Variants in GBP6 observed in about 807,000 individuals in gnomAD.
GBP6 encodes the protein guanylate binding protein family member 6.
GBP6 carries 54 observed loss-of-function variants against 61.5 expected under a neutral mutation model. The ratio of observed to expected loss-of-function variants is 0.88; its 90% CI spans 0.71 to 1.10. GBP6 has a LOEUF of 1.10. GBP6 is among the 50% of genes least tolerant of loss of function. GBP6 has a pLI of 0.00. For missense variants in GBP6, 748 were observed against 752.8 expected, an observed-to-expected ratio of 0.99 and a Z score of 0.07; for synonymous variants, 255 against 273.7, an observed-to-expected ratio of 0.93 and a Z score of 0.67.
intron 1 of GBP6, among the ~76,000 whole-genome samples, chr1:89,367,373 T>C (rs974256881): frequency 6.6e-6 from 1 of 152,194 alleles, no homozygotes; most frequent in Non-Finnish European, 1.5e-5. Context: ...AATGGGTGGG[T>C]CTAACATGTA....
In GBP6 at chr1:89,387,838, C is replaced by G. The variant is rs993705861; in HGVS notation, c.*2369C>G. Among the ~76,000 whole-genome samples the G allele has an allele frequency of 2.6e-5, 4 of 152,192 alleles. No individual in the cohort carries two copies. Among genetic ancestry groups the G allele is most frequent in the African/African-American group, 9.7e-5 (4 of 41,440 alleles). On this transcript the variant is annotated 3_prime_UTR_variant, in exon 11 of 11. Coordinates refer to ENST00000370456, the MANE Select transcript of GBP6 (RefSeq NM_198460.3). ...ATGCCAGCTACACAGGAGGATGAGG[C>G]AGGAAAATCACTTGAACCTGGGAGG...
At chr1:89,369,452 G>T in intron 2 of GBP6, 94 bp from the exon 3 acceptor site, 2 of 1,406,312 alleles carry the variant, frequency 1.4e-6, no homozygotes, top group South Asian at 1.5e-5. Context: ...ATGTATGTTG[G>T]GGTAGTTACA....
chr1:89,368,365 C>G (rs1473826802), intron 1 of GBP6, among the ~76,000 whole-genome samples, 164 bp from the exon 2 acceptor site: 2 of 152,148 alleles, frequency 1.3e-5, no homozygotes, highest in Non-Finnish European at 2.9e-5. Context: ...CACTTAATAT[C>G]ATTACAGACT....
At position 89,385,325 on chromosome 1, in the gene GBP6, A is replaced by G. The variant is rs1274017949; in HGVS notation, c.1758A>G (p.Lys586=). Residue 586 remains lysine, a synonymous_variant, in exon 11 of 11, where the codon AAA becomes AAG. Coordinates refer to ENST00000370456, the MANE Select transcript of GBP6 (RefSeq NM_198460.3). ...TTAAACGTATGATTGATACTACAAAAAATGATGATACTCCCTGGATTGCAC... is the reference window on the plus strand; with the variant it reads ...TTAAACGTATGATTGATACTACAAAGAATGATGATACTCCCTGGATTGCAC... ...SQFKRMIDTT[K]NDDTPWIART... is the part of the protein sequence containing the mutation. 6.2e-7 allele frequency: 1 copy of G among 1,614,182 alleles called. No homozygotes were observed. The highest frequency in any genetic ancestry group is 1.1e-5 in the South Asian group (1 of 91,092).
At chr1:89,367,498 T>C (rs1361402468) in intron 1 of GBP6, among the ~76,000 whole-genome samples, 4 of 152,210 alleles carry the variant, frequency 2.6e-5, no homozygotes, top group Non-Finnish European at 5.9e-5. Context: ...CTATCCATTT[T>C]TGAATTTTTA....
intron 1 of GBP6, among the ~76,000 whole-genome samples, chr1:89,366,801 T>C (rs1177594974): frequency 1.3e-5 from 2 of 152,184 alleles, no homozygotes; most frequent in Non-Finnish European, 2.9e-5. Context: ...ACTGAGACTC[T>C]CTACCTTTAA....
chr1:89,374,696 A>G (rs1286126122), intron 3 of GBP6, among the ~76,000 whole-genome samples: 1 of 152,174 alleles, frequency 6.6e-6, no homozygotes, highest in Non-Finnish European at 1.5e-5. Flanking sequence ...ACACCTTTAT[A>G]TATACATATT....
At chr1:89,377,964 G>T in intron 3 of GBP6, 139 bp from the exon 4 acceptor site, 1 of 734,218 alleles carries the variant, frequency 1.4e-6, no homozygotes, top group Non-Finnish European at 2.2e-6. Context: ...GTAACAAACT[G>T]TTGTTTACAT....
intron 1 of GBP6, among the ~76,000 whole-genome samples, chr1:89,365,070 G>A (rs1476106917): frequency 7.2e-6 from 1 of 139,088 alleles, no homozygotes; most frequent in South Asian, 2.4e-4. Flanking sequence ...GTTAGAACAC[G>A]CAGTTTTTGG....
At chr1:89,376,082 A>G (rs966611554) in intron 3 of GBP6, among the ~76,000 whole-genome samples, 2 of 152,180 alleles carry the variant, frequency 1.3e-5, no homozygotes, top group East Asian at 3.8e-4. Context: ...TATTTAACTT[A>G]GCTTAACATC....
chr1:89,369,231 T>A (rs1184433626), intron 2 of GBP6, among the ~76,000 whole-genome samples: 1 of 152,194 alleles, frequency 6.6e-6, no homozygotes, highest in East Asian at 1.9e-4. Context: ...CTCGTGTCTT[T>A]CTTCAACCCA....
chr1:89,372,018 TAACAGACA>T (rs1280370499), intron 3 of GBP6, among the ~76,000 whole-genome samples: 1 of 151,398 alleles, frequency 6.6e-6, no homozygotes, highest in African/African-American at 2.5e-5. Flanking sequence ...TACACACCAA[TAACAGACA>T]AACAGAGAGC....
chr1:89,369,181 C>A (rs748092563), intron 2 of GBP6, among the ~76,000 whole-genome samples: 1 of 152,020 alleles, frequency 6.6e-6, no homozygotes, highest in Non-Finnish European at 1.5e-5. Flanking sequence ...CTTTTCAATG[C>A]AAAAAAAGAT....
intron 3 of GBP6, among the ~76,000 whole-genome samples, chr1:89,373,381 C>T (rs1444644347): frequency 6.6e-6 from 1 of 152,154 alleles, no homozygotes; most frequent in African/African-American, 2.4e-5. Context: ...TTTATTGCGG[C>T]ACTATTCACA....
intron 3 of GBP6, among the ~76,000 whole-genome samples, chr1:89,376,628 A>G (rs1033940543): frequency 6.6e-6 from 1 of 152,160 alleles, no homozygotes; most frequent in Non-Finnish European, 1.5e-5. Flanking sequence ...TGCAATATAT[A>G]TTGAAATCAA....
At position 89,372,236 on chromosome 1, in the gene GBP6, G is replaced by A. The variant is rs767956486; in HGVS notation, c.318+2563G>A. 9.2e-5 allele frequency among the ~76,000 whole-genome samples: 14 copies of A among 152,100 alleles called. 1 individual carries two copies. The highest frequency in any genetic ancestry group is 7.2e-4 in the Admixed American group (11 of 15,270). On this transcript the variant is annotated intron_variant, in intron 3 of 10. Transcript: ENST00000370456. ...ATCAATATTGTGGAAATGGCCATAC[G>A]GCCCAAGGTAATTTATAGATTCAAT...
chr1:89,387,805 C>G lies in GBP6; in HGVS notation c.*2336C>G, dbSNP rs142903604. On this transcript the variant is annotated 3_prime_UTR_variant, in exon 11 of 11. Transcript: ENST00000370456. Reference sequence around the variant, plus strand: ...AAAATTAACCAAGTGTGGTGGCACACGCCTGTCATGCCAGCTACACAGGAG... The same window carrying G: ...AAAATTAACCAAGTGTGGTGGCACAGGCCTGTCATGCCAGCTACACAGGAG... Among the ~76,000 whole-genome samples the G allele has an allele frequency of 6.6e-6, 1 of 152,176 alleles. No homozygotes were observed. The highest frequency in any genetic ancestry group is 2.4e-5 in the African/African-American group (1 of 41,432).
At chr1:89,366,546 G>T (rs1652472497) in intron 1 of GBP6, among the ~76,000 whole-genome samples, 1 of 152,122 alleles carries the variant, frequency 6.6e-6, no homozygotes, top group Non-Finnish European at 1.5e-5. Context: ...TCATTAAAAA[G>T]TTACTGCAGG....
chr1:89,378,542 T>C lies in GBP6; in HGVS notation c.554T>C (p.Leu185Pro). 4 of 1,614,092 alleles carry C rather than the reference T, an allele frequency of 2.5e-6. No homozygotes were observed. In the South Asian group the frequency reaches 3.3e-5, roughly 13 times the overall value. The change falls in exon 5 of 11, where the codon CTG (leucine) becomes CCG (proline). Residue 185 changes from leucine to proline, a missense_variant. Coordinates refer to ENST00000370456, the MANE Select transcript of GBP6 (RefSeq NM_198460.3). ...DFLWTVRDFT[L>P]ELKLNGHPIT... ...CTTTGGACAGTACGGGATTTCACTC[T>C]GGAGCTGAAGTTGAACGGTCACCCT...
Sources: gnomAD v4.1 joint callset for allele counts (sites outside exome capture counted in the v4.1 genomes callset) on GRCh38, gnomAD v4.1.1 for gene constraint, MANE v1.5 for transcripts, NCBI Gene and HGNC (gene_info 2026-07-23, HGNC 2026-07-21) for gene names.